Variants in UNC79 observed in about 807,000 individuals in gnomAD.
UNC79 encodes unc-79 subunit of NALCN channel complex, also known as protein unc-79 homolog.
In UNC79, 37 loss-of-function variants were observed where a neutral mutation model predicts 283.1. The ratio of observed to expected loss-of-function variants is 0.13; its 90% CI spans 0.10 to 0.17. UNC79 has a LOEUF of 0.17. Ranked by LOEUF, UNC79 falls within the 10% of genes least tolerant of loss-of-function variation. UNC79 has a pLI of 1.00. For missense variants in UNC79, 2,272 were observed against 3,211.1 expected, an observed-to-expected ratio of 0.71 and a Z score of 7.07; for synonymous variants, 1,107 against 1,200.2, an observed-to-expected ratio of 0.92 and a Z score of 1.61.
chr14:93,357,676 CATATATATATATAT>C (rs60284787), intron 1 of UNC79, among the ~76,000 whole-genome samples: 357 of 32,360 alleles, frequency 0.011, 6 homozygotes, highest in African/African-American at 0.033. Flanking sequence ...AATAAACTCC[CATATATATATATAT>C]ATATATATAT....
chr14:93,683,891 G>A (rs1001084373), intron 42 of UNC79, among the ~76,000 whole-genome samples: 7 of 150,896 alleles, frequency 4.6e-5, no homozygotes, highest in Non-Finnish European at 1.0e-4. Context: ...AGGACATATA[G>A]GAAGCTGCAT....
exon 7 of UNC79, chr14:93,497,248 C>T: frequency 6.2e-7 from 1 of 1,613,424 alleles, no homozygotes; most frequent in Non-Finnish European, 8.5e-7. Context: ...TTAAAACCTC[C>T]TGGGGCAATA....
chr14:93,484,391 G>GATCT (rs1178611236), intron 4 of UNC79, among the ~76,000 whole-genome samples: 7 of 152,300 alleles, frequency 4.6e-5, no homozygotes, highest in Admixed American at 1.3e-4. Context: ...ATAACTTGAT[G>GATCT]ATCTCTCTTT....
At chr14:93,454,274 A>G (rs544381291) in intron 1 of UNC79, among the ~76,000 whole-genome samples, 1 of 152,134 alleles carries the variant, frequency 6.6e-6, no homozygotes, top group Non-Finnish European at 1.5e-5. Flanking sequence ...TGAACTCCTG[A>G]GCTCAAGCAA....
chr14:93,455,194 C>G lies in UNC79; in HGVS notation c.23-12477C>G, dbSNP rs577373702. 1.5e-3 allele frequency among the ~76,000 whole-genome samples: 231 copies of G among 152,282 alleles called. 1 individual carries two copies. Among genetic ancestry groups the G allele is most frequent in the African/African-American group, 5.3e-3 (221 of 41,558 alleles). On this transcript the variant is annotated intron_variant, in intron 1 of 48. Coordinates refer to ENST00000555664, the Ensembl canonical transcript of UNC79. Reference sequence around the variant, plus strand: ...GCCTCTCTACCTGTGTATCCTCTTCCACAACCCTTCATTTATGTCTTTTAT... The same window carrying G: ...GCCTCTCTACCTGTGTATCCTCTTCGACAACCCTTCATTTATGTCTTTTAT...
In UNC79 at chr14:93,617,115, A is replaced by G. The variant is rs758034089; in HGVS notation, c.4042-7A>G. 6.3e-7 allele frequency: 1 copy of G among 1,595,542 alleles called. No homozygotes were observed. The highest frequency in any genetic ancestry group is 1.1e-5 in the South Asian group (1 of 87,856). On this transcript the variant is annotated splice_polypyrimidine_tract_variant and splice_region_variant and intron_variant, in intron 27 of 48. Coordinates refer to ENST00000555664, the Ensembl canonical transcript of UNC79. The surrounding 1 kb of genome is among the most constrained non-coding windows in gnomAD (Gnocchi z 4.5). ...TCCATCAGTTATTAATATTTTTTCTATTTCAGGTTATGGACTATAACATTA... is the reference window on the plus strand; with the variant it reads ...TCCATCAGTTATTAATATTTTTTCTGTTTCAGGTTATGGACTATAACATTA...
rs145135403 is a variant in UNC79, at chr14:93,589,489, C to T, written c.3032+2581C>T. 8.1e-3 allele frequency among the ~76,000 whole-genome samples: 1,230 copies of T among 152,138 alleles called. 11 individuals carry two copies. The highest frequency in any genetic ancestry group is 9.7e-3 in the Non-Finnish European group (659 of 67,994). ...CCTTATAGAGGGGAGGTCAGCATCT[C>T]ATCCAGCAGAGTAAAGACAGAGGCC... On this transcript the variant is annotated intron_variant, in intron 22 of 48. Transcript: ENST00000555664.
upstream of UNC79, among the ~76,000 whole-genome samples, chr14:93,429,502 G>A (rs1233322739): frequency 6.6e-6 from 1 of 152,126 alleles, no homozygotes; most frequent in African/African-American, 2.4e-5. Context: ...GTTATTTGTA[G>A]ATTTTTTTAT....
chr14:93,566,109 A>T (rs1304024918), intron 14 of UNC79, among the ~76,000 whole-genome samples: 1 of 152,220 alleles, frequency 6.6e-6, no homozygotes, highest in African/African-American at 2.4e-5. Flanking sequence ...GAAGTTTCAG[A>T]CAGCTGCCCA....
intron 29 of UNC79, among the ~76,000 whole-genome samples, chr14:93,620,500 G>A (rs756303513): frequency 3.3e-5 from 5 of 151,552 alleles, no homozygotes; most frequent in Admixed American, 2.0e-4. Context: ...ATTTCCTTTC[G>A]CCAAATCAGC....
intron 1 of UNC79, among the ~76,000 whole-genome samples, chr14:93,384,793 C>T (rs564728518): frequency 1.3e-5 from 2 of 152,100 alleles, no homozygotes; most frequent in Non-Finnish European, 2.9e-5. Context: ...AATGTTTTCT[C>T]TTAGTAGTTT....
chr14:93,389,787 G>T (rs1171106528), intron 1 of UNC79, among the ~76,000 whole-genome samples: 1 of 152,112 alleles, frequency 6.6e-6, no homozygotes, highest in East Asian at 1.9e-4. Context: ...GAGTAGCTGG[G>T]ATTACAGGCA....
At chr14:93,643,781 G>A (rs1596207642) in intron 34 of UNC79, 84 bp downstream of exon 37, 1 of 1,545,770 alleles carries the variant, frequency 6.5e-7, no homozygotes, top group East Asian at 2.3e-5. Flanking sequence ...GTTCAAAAGT[G>A]AAACATTCAG....
chr14:93,588,443 T>C (rs533630855), intron 22 of UNC79, among the ~76,000 whole-genome samples: 13 of 151,978 alleles, frequency 8.6e-5, no homozygotes, highest in Non-Finnish European at 1.5e-4. Flanking sequence ...ATTTTTAGGA[T>C]AAAGAAAATC....
chr14:93,594,921 T>G (rs2064958386), intron 23 of UNC79, among the ~76,000 whole-genome samples: 1 of 152,152 alleles, frequency 6.6e-6, no homozygotes, highest in Non-Finnish European at 1.5e-5. Flanking sequence ...GTTCAGTTCC[T>G]TAATATATGG....
At chr14:93,682,567 T>C (rs1474599999) in intron 41 of UNC79, 50 bp from the exon 45 acceptor site, 21 of 1,470,284 alleles carry the variant, frequency 1.4e-5, no homozygotes, top group Non-Finnish European at 2.0e-5. Context: ...AAATTACTTA[T>C]TAATGTCCAG....
chr14:93,661,214 CTT>C (rs1340445474), intron 39 of UNC79, among the ~76,000 whole-genome samples: 8 of 152,122 alleles, frequency 5.3e-5, no homozygotes, highest in African/African-American at 1.7e-4. Flanking sequence ...TAAAATGTGA[CTT>C]TGTGGCCATT....
intron 40 of UNC79, among the ~76,000 whole-genome samples, chr14:93,664,033 C>T (rs1269520494): frequency 6.6e-6 from 1 of 152,156 alleles, no homozygotes; most frequent in Non-Finnish European, 1.5e-5. Flanking sequence ...TCCCTCATAA[C>T]TTTAGTGGCC....
At chr14:93,356,249 C>T (rs2054084502) in intron 1 of UNC79, among the ~76,000 whole-genome samples, 1 of 152,168 alleles carries the variant, frequency 6.6e-6, no homozygotes, top group African/African-American at 2.4e-5. Flanking sequence ...TCTCAAACTC[C>T]TGACCTCAGG....
Sources: gnomAD v4.1 joint callset for allele counts (sites outside exome capture counted in the v4.1 genomes callset) on GRCh38, gnomAD v4.1.1 for gene constraint, Gnocchi (gnomAD v3.1) non-coding constraint, MANE v1.5 for transcripts, NCBI Gene and HGNC (gene_info 2026-07-23, HGNC 2026-07-21) for gene names.